The following PPP1CA variants were observed in gnomAD, a reference collection of about 807,000 sequenced individuals.
PPP1CA encodes serine/threonine-protein phosphatase PP1-alpha catalytic subunit.
Under a neutral mutation model 38.5 loss-of-function variants are expected in PPP1CA, and 14 were observed. The observed-to-expected ratio is 0.36, with a 90% CI of 0.24 to 0.57. The LOEUF (loss-of-function observed/expected upper bound fraction) is 0.57. Among genes scored for constraint, PPP1CA ranks in the 20% least tolerant of loss-of-function variants. PPP1CA has a pLI of 0.80. For missense variants in PPP1CA, 277 were observed against 435.2 expected (o/e 0.64, Z 3.23); for synonymous variants, 200 against 177.3 (o/e 1.13, Z -1.02).
chr11:67,400,758 T>G lies in PPP1CA; in HGVS notation c.349A>C (p.Asn117His). ...TGGTTCCCACGGAGCAGGAAGAAGT[T>G]CTCGGGGTACTTGATCTTATAGGCC... is the stretch of plus-strand genomic sequence containing the variant. ...LLAYKIKYPENFFLLRGNHEC... is the reference protein window; with the variant it reads ...LLAYKIKYPEHFFLLRGNHEC... The change falls in exon 3 of 7, where the codon AAC (asparagine) becomes CAC (histidine). Residue 117 changes from asparagine (N) to histidine (H), a missense_variant. Transcript: ENST00000376745. 1 of 1,614,072 alleles carries G rather than the reference T, an allele frequency of 6.2e-7. No homozygotes were observed. The highest frequency in any genetic ancestry group is 8.5e-7 in the Non-Finnish European group (1 of 1,180,040).
chr11:67,401,034 T>C lies in PPP1CA; in HGVS notation c.187+34A>G, dbSNP rs1479311679. 9.9e-6 allele frequency: 16 copies of C among 1,612,110 alleles called. No homozygotes were observed. In the African/African-American group the frequency reaches 1.7e-4, roughly 17 times the overall value. On this transcript the variant is annotated intron_variant, in intron 2 of 6. Transcript: ENST00000376745. ...ACTCTGTGGGGTCCAGTGCCACTTT[T>C]AGGAAGGCAAGGGGACCTGGGCCGG...
chr11:67,398,457 G>A lies in PPP1CA; in HGVS notation c.*78C>T, dbSNP rs897304836. 2.4e-5 allele frequency: 35 copies of A among 1,464,814 alleles called. No individual in the cohort carries two copies. Among genetic ancestry groups the A allele is most frequent in the Middle Eastern group, 2.0e-4 (1 of 5,078 alleles). 90.7% of individuals were successfully genotyped at this position (1,464,814 alleles called of 1,614,324 possible). On this transcript the variant is annotated 3_prime_UTR_variant, in exon 7 of 7. Transcript: ENST00000376745. ...GTGACAGGTGGGCCTGAGGGGTCGG[G>A]GTGACCCCCCCCCAGCATGGCAGCA...
intron 3 of PPP1CA, among the ~76,000 whole-genome samples, chr11:67,400,256 G>A (rs1862854419): frequency 6.6e-6 from 1 of 152,220 alleles, no homozygotes; most frequent in African/African-American, 2.4e-5. Context: ...TCGGCCTCCT[G>A]CCAGAAGTAA....
At chr11:67,399,410 C>T (rs963557027) in intron 4 of PPP1CA, 151 bp downstream of exon 4, 29 of 742,970 alleles carry the variant, frequency 3.9e-5, no homozygotes, top group South Asian at 2.5e-4. Context: ...CCATGTAGGA[C>T]ACACATCAAG....
At position 67,398,712 on chromosome 11, in the gene PPP1CA, C is replaced by T. The variant is rs1862805819; in HGVS notation, c.882+10G>A. 6.2e-7 allele frequency: 1 copy of T among 1,613,272 alleles called. No individual in the cohort carries two copies. The highest frequency in any genetic ancestry group is 8.5e-7 in the Non-Finnish European group (1 of 1,179,586). ...CAGGGCCTAGCGGCTCCTTTCTTCC[C>T]CACACTCACCTGGAAAGAGCACATG... On this transcript the variant is annotated intron_variant, in intron 6 of 6. Coordinates refer to ENST00000376745, the MANE Select transcript of PPP1CA (RefSeq NM_002708.4).
rs1565120693 is a variant in PPP1CA, at chr11:67,398,658, G to GTGTT, written c.883-17_883-14dup. On this transcript the variant is annotated splice_polypyrimidine_tract_variant and intron_variant, in intron 6 of 6. Transcript: ENST00000376745. ...CGGGCTTGAGGATCTAAAAGAGACAGTGTTGGTCAGGCTCATGGGGCTGAG... is the reference window on the plus strand; with the variant it reads ...CGGGCTTGAGGATCTAAAAGAGACAGTGTTTGTTGGTCAGGCTCATGGGGCTGAG... The GTGTT allele has an allele frequency of 6.2e-6, 10 of 1,613,934 alleles. No homozygotes were observed. Among genetic ancestry groups the GTGTT allele is most frequent in the Non-Finnish European group, 8.5e-6 (10 of 1,179,872 alleles).
chr11:67,398,273 C>G lies in PPP1CA; in HGVS notation c.*262G>C, dbSNP rs1862780868. ...CTGAGGCCAAGCACGGCTGGAGACC[C>G]ACGACCTGGCCTGCCGTTGCCCTGA... is the stretch of plus-strand genomic sequence containing the variant. On this transcript the variant is annotated 3_prime_UTR_variant, in exon 7 of 7. Coordinates refer to ENST00000376745, the MANE Select transcript of PPP1CA (RefSeq NM_002708.4). 1 of 512,480 alleles carries G rather than the reference C, an allele frequency of 2.0e-6. No homozygotes were observed. Among genetic ancestry groups the G allele is most frequent in the Non-Finnish European group, 3.5e-6 (1 of 288,746 alleles). The allele number at this position is 512,480 out of a possible 1,614,324, so 31.7% of individuals were successfully genotyped here. A position where few individuals can be genotyped will look rare whatever the true frequency, so the allele number is the denominator to read the frequency against.
At chr11:67,400,426 T>C (rs1435080975) in intron 3 of PPP1CA, among the ~76,000 whole-genome samples, 2 of 152,120 alleles carry the variant, frequency 1.3e-5, no homozygotes, top group African/African-American at 4.8e-5. Context: ...CCTAAGTGCT[T>C]AGTAGCAAAT....
chr11:67,399,736 C>A, intron 3 of PPP1CA, 71 bp from the exon 4 acceptor site: 1 of 1,309,912 alleles, frequency 7.6e-7, no homozygotes, highest in Non-Finnish European at 1.1e-6. Flanking sequence ...GGCTATTCAG[C>A]CGTGGCTGGG....
In PPP1CA at chr11:67,398,655, A is replaced by T. The variant is rs1278419160; in HGVS notation, c.883-10T>A. ...CGGCGGGCTTGAGGATCTAAAAGAG[A>T]CAGTGTTGGTCAGGCTCATGGGGCT... On this transcript the variant is annotated splice_polypyrimidine_tract_variant and intron_variant, in intron 6 of 6. Transcript: ENST00000376745. The T allele has an allele frequency of 6.2e-7, 1 of 1,613,814 alleles. No individual in the cohort carries two copies. Among genetic ancestry groups the T allele is most frequent in the Non-Finnish European group, 8.5e-7 (1 of 1,179,924 alleles).
At chr11:67,401,045 G>A (rs1466030584) in intron 2 of PPP1CA, 23 bp downstream of exon 2, 1 of 1,612,934 alleles carries the variant, frequency 6.2e-7, no homozygotes, top group South Asian at 1.1e-5. Context: ...AGGAAGGCAA[G>A]GGGACCTGGG....
At chr11:67,400,344 C>T (rs999179325) in intron 3 of PPP1CA, among the ~76,000 whole-genome samples, 3 of 152,242 alleles carry the variant, frequency 2.0e-5, no homozygotes, top group Admixed American at 6.5e-5. Flanking sequence ...CGCATGCCCC[C>T]ACCCATGAGC....
chr11:67,401,759 G>T lies in PPP1CA; in HGVS notation c.24C>A (p.Asn8Lys). 6.8e-7 allele frequency: 1 copy of T among 1,480,230 alleles called. No individual in the cohort carries two copies. The highest frequency in any genetic ancestry group is 9.0e-7 in the Non-Finnish European group (1 of 1,106,564). The allele number at this position is 1,480,230 out of a possible 1,614,324, so 91.7% of individuals were successfully genotyped here. ...GCAGGCGCCCGATGATCGAGTCCAG[G>T]TTGAGCTTCTCGCTGTCGGACATGG... MSDSEKL[N>K]LDSIIGRLLE... Residue 8 changes from asparagine to lysine, a missense_variant, in exon 1 of 7, where the codon AAC becomes AAA. By Grantham distance (94) the Asn-to-Lys change is moderately conservative (BLOSUM62 0). Transcript: ENST00000376745.
At position 67,398,584 on chromosome 11, in the gene PPP1CA, C is replaced by T; in HGVS notation, c.944G>A (p.Gly315Glu). ...GCGGGGTGGGGTGATGGGTCGGCCT[C>T]CAGGGTTCAGGCCACTGAACTGCCC... The part of the protein sequence containing the change: ...KYGQFSGLNP[G>E]GRPITPPRNS... Residue 315 changes from glycine to glutamate, a missense_variant, in exon 7 of 7, where the codon GGA (glycine) becomes GAA (glutamate). Transcript: ENST00000376745. The T allele has an allele frequency of 6.2e-7, 1 of 1,614,096 alleles. No homozygotes were observed. Among genetic ancestry groups the T allele is most frequent in the Non-Finnish European group, 8.5e-7 (1 of 1,179,996 alleles).
At chr11:67,401,433 A>C in intron 1 of PPP1CA, 1 of 700,762 alleles carries the variant, frequency 1.4e-6, no homozygotes, top group Non-Finnish European at 2.3e-6. Flanking sequence ...CTGCCACCAA[A>C]AACCTCACAG....
chr11:67,400,577 A>G lies in PPP1CA; in HGVS notation c.418+112T>C, dbSNP rs1372788626. ...ACGGACCTGGGCCCCGCCTTCGTGGAGCGCACAGTCTATCAAGTGTCTGTC... is the reference window on the plus strand; with the variant it reads ...ACGGACCTGGGCCCCGCCTTCGTGGGGCGCACAGTCTATCAAGTGTCTGTC... On this transcript the variant is annotated intron_variant, in intron 3 of 6. Coordinates refer to ENST00000376745, the MANE Select transcript of PPP1CA (RefSeq NM_002708.4). The G allele has an allele frequency of 8.3e-6, 9 of 1,079,448 alleles. No individual in the cohort carries two copies. The East Asian group carries it at 1.9e-4, about 23-fold the overall frequency. 66.9% of individuals were successfully genotyped at this position (1,079,448 alleles called of 1,614,324 possible).
In PPP1CA at chr11:67,398,870, G is replaced by C; in HGVS notation, c.748-14C>G. On this transcript the variant is annotated splice_polypyrimidine_tract_variant and intron_variant, in intron 5 of 6. Coordinates refer to ENST00000376745, the MANE Select transcript of PPP1CA (RefSeq NM_002708.4). Reference sequence around the variant, plus strand: ...GTCTTCTACCACCTGGGCGAGGATGGGAGCAGTCAGTCCCGAGCGCAGGCA... The same window carrying C: ...GTCTTCTACCACCTGGGCGAGGATGCGAGCAGTCAGTCCCGAGCGCAGGCA... The C allele has an allele frequency of 6.2e-7, 1 of 1,612,292 alleles. No individual in the cohort carries two copies. The highest frequency in any genetic ancestry group is 1.3e-5 in the African/African-American group (1 of 75,050).
chr11:67,398,983 A>G lies in PPP1CA; in HGVS notation c.704T>C (p.Phe235Ser). ...FTFGAEVVAK[F>S]LHKHDLDLIC... The stretch of plus-strand genomic sequence containing the variant: ...GAGGTCCAAGTCGTGCTTGTGGAGG[A>G]ACTTGGCCACCACCTCGGCTCCAAA... The change falls in exon 5 of 7, where the codon TTC becomes TCC. Residue 235 changes from phenylalanine (F) to serine (S), a missense_variant. Phe to Ser is a radical substitution (Grantham distance 155). This residue lies in a region of PPP1CA where 180 missense variants were observed against 356.7 expected (regional missense o/e 0.50). Coordinates refer to ENST00000376745, the MANE Select transcript of PPP1CA (RefSeq NM_002708.4). The G allele has an allele frequency of 1.9e-6, 3 of 1,613,398 alleles. No homozygotes were observed. Among genetic ancestry groups the G allele is most frequent in the Non-Finnish European group, 2.5e-6 (3 of 1,180,022 alleles).
At chr11:67,400,348 C>G (rs1261284158) in intron 3 of PPP1CA, among the ~76,000 whole-genome samples, 1 of 152,218 alleles carries the variant, frequency 6.6e-6, no homozygotes, top group Non-Finnish European at 1.5e-5. Context: ...TGCCCCCACC[C>G]ATGAGCCGGG....
Sources: gnomAD v4.1 joint callset for allele counts (sites outside exome capture counted in the v4.1 genomes callset) on GRCh38, gnomAD v4.1.1 for gene constraint, gnomAD v4.1.1 regional missense constraint, MANE v1.5 for transcripts, NCBI Gene and HGNC (gene_info 2026-07-23, HGNC 2026-07-21) for gene names.